The following TAFA5 variants were observed in gnomAD, a reference collection of about 807,000 sequenced individuals.
The protein encoded by TAFA5 is TAFA chemokine like family member 5.
In TAFA5, 6 loss-of-function variants were observed where a neutral mutation model predicts 15.3. The observed-to-expected ratio is 0.39, with a 90% CI of 0.21 to 0.77. The LOEUF (loss-of-function observed/expected upper bound fraction) is 0.77, where lower values mean the gene tolerates loss of function less well. Among genes scored for constraint, TAFA5 ranks in the 30% least tolerant of loss-of-function variants. TAFA5 has a pLI of 0.41. For synonymous variants in TAFA5, 103 were observed against 80.7 expected, an observed-to-expected ratio of 1.28 and a Z score of -1.48; for missense variants, 161 against 193.1, an observed-to-expected ratio of 0.83 and a Z score of 0.98.
intron 2 of TAFA5, among the ~76,000 whole-genome samples, chr22:48,693,834 C>T (rs1276452785): frequency 6.6e-6 from 1 of 152,194 alleles, no homozygotes; most frequent in East Asian, 1.9e-4. Context: ...GCCATGGCCA[C>T]CTATACCCAT....
At chr22:48,674,677 A>ACC (rs67528982) in intron 2 of TAFA5, among the ~76,000 whole-genome samples, 3 of 151,250 alleles carry the variant, frequency 2.0e-5, no homozygotes, top group East Asian at 3.9e-4. Context: ...GGAGGTCCAC[A>ACC]CCCCCCACAG....
intron 1 of TAFA5, among the ~76,000 whole-genome samples, chr22:48,505,822 C>T (rs1920988843): frequency 2.0e-5 from 3 of 152,170 alleles, no homozygotes; most frequent in Admixed American, 1.3e-4. Context: ...GGTTTTGGCT[C>T]ATTACTATGA....
intron 1 of TAFA5, among the ~76,000 whole-genome samples, chr22:48,555,809 G>C (rs1305562061): frequency 6.6e-6 from 1 of 152,170 alleles, no homozygotes. Flanking sequence ...GGATGGGGGC[G>C]CTGTGGCCGC....
At chr22:48,629,334 C>T (rs1293310812) in intron 1 of TAFA5, among the ~76,000 whole-genome samples, 1 of 152,198 alleles carries the variant, frequency 6.6e-6, no homozygotes, top group East Asian at 1.9e-4. Context: ...AACCCAGCGG[C>T]CCCTCCTCGT....
At chr22:48,734,235 C>T (rs1440359137) in intron 3 of TAFA5, among the ~76,000 whole-genome samples, 1 of 150,782 alleles carries the variant, frequency 6.6e-6, no homozygotes, top group Non-Finnish European at 1.5e-5. Flanking sequence ...AAAGACTTCC[C>T]GTGAGAAATG....
chr22:48,604,067 C>G (rs757324367), intron 1 of TAFA5, among the ~76,000 whole-genome samples: 1 of 152,230 alleles, frequency 6.6e-6, no homozygotes, highest in Non-Finnish European at 1.5e-5. Context: ...GTGTCTCATT[C>G]ACTCCAAGCG....
intron 1 of TAFA5, among the ~76,000 whole-genome samples, chr22:48,562,717 A>T (rs990295771): frequency 1.3e-5 from 2 of 152,164 alleles, no homozygotes; most frequent in African/African-American, 4.8e-5. Context: ...GGCAGATGGG[A>T]CAGCCAGGCC....
intron 1 of TAFA5, among the ~76,000 whole-genome samples, chr22:48,608,389 G>A (rs1925277300): frequency 6.6e-6 from 1 of 151,968 alleles, no homozygotes; most frequent in Non-Finnish European, 1.5e-5. Flanking sequence ...ATACGGTTTT[G>A]CCTCTGGTTT....
rs60622283 is a variant in TAFA5, at chr22:48,736,489, A to C, written c.391-13350A>C. 3.2e-4 allele frequency among the ~76,000 whole-genome samples: 5 copies of C among 15,510 alleles called. 1 individual carries two copies. Among genetic ancestry groups the C allele is most frequent in the African/African-American group, 1.4e-3 (3 of 2,096 alleles). 10.2% of individuals were successfully genotyped at this position (15,510 alleles called of 152,430 possible). A position where few individuals can be genotyped will look rare whatever the true frequency, so the allele number is the denominator to read the frequency against. ...AATGAGAACCGCACTCCTAGGGTCC[A>C]TCCCCCCAGGAGGAATGAGAACATG... On this transcript the variant is annotated intron_variant, in intron 3 of 3. Transcript: ENST00000402357.
intron 1 of TAFA5, among the ~76,000 whole-genome samples, chr22:48,572,843 T>G (rs536290196): frequency 6.6e-6 from 1 of 152,370 alleles, no homozygotes; most frequent in East Asian, 1.9e-4. Flanking sequence ...TAGACTGAGA[T>G]AGCTACAAGA....
At chr22:48,721,298 G>C (rs528009920) in intron 3 of TAFA5, among the ~76,000 whole-genome samples, 1 of 152,108 alleles carries the variant, frequency 6.6e-6, no homozygotes, top group Admixed American at 6.5e-5. Context: ...ATTTCAGCCC[G>C]CCCACTGCCT....
chr22:48,576,438 C>CGCTGCGCGACTTCGGGG, intron 1 of TAFA5: 1 of 1,349,970 alleles, frequency 7.4e-7, no homozygotes, highest in Non-Finnish European at 9.7e-7. Flanking sequence ...CCTGGACCTT[C>CGCTGCGCGACTTCGGGG]GCTGCGCGAC....
chr22:48,514,718 A>G (rs1189688337), intron 1 of TAFA5, among the ~76,000 whole-genome samples: 1 of 152,250 alleles, frequency 6.6e-6, no homozygotes, highest in Admixed American at 6.5e-5. Flanking sequence ...AATTGAGCAC[A>G]AAACATAGCT....
intron 3 of TAFA5, among the ~76,000 whole-genome samples, chr22:48,749,321 G>A (rs1278144757): frequency 6.6e-6 from 1 of 152,192 alleles, no homozygotes; most frequent in Non-Finnish European, 1.5e-5. Flanking sequence ...GGCAGCCACG[G>A]GAATGGCACA....
intron 2 of TAFA5, among the ~76,000 whole-genome samples, chr22:48,706,462 C>T (rs1929081717): frequency 6.6e-6 from 1 of 152,180 alleles, no homozygotes; most frequent in African/African-American, 2.4e-5. Flanking sequence ...GAGTGGGGTG[C>T]CTGGCTCTCA....
chr22:48,576,421 TGCG>T, intron 1 of TAFA5: 1 of 1,274,608 alleles, frequency 7.8e-7, no homozygotes. Context: ...GGGGCGCTGA[TGCG>T]GCGCCTGGAC....
At chr22:48,732,871 G>A (rs1601704932) in intron 3 of TAFA5, among the ~76,000 whole-genome samples, 2 of 152,232 alleles carry the variant, frequency 1.3e-5, no homozygotes, top group Middle Eastern at 3.4e-3. Flanking sequence ...CATCAGCATC[G>A]CGGCAAGACC....
chr22:48,519,295 C>T (rs903828498), intron 1 of TAFA5, among the ~76,000 whole-genome samples: 9 of 152,264 alleles, frequency 5.9e-5, no homozygotes, highest in African/African-American at 1.2e-4. Context: ...AAGAATCCCG[C>T]GTCTTCCCTT....
chr22:48,545,560 G>C lies in TAFA5; in HGVS notation c.112+55856G>C, dbSNP rs1164061489. 2.0e-5 allele frequency: 3 copies of C among 153,644 alleles called. No homozygotes were observed. In the East Asian group the frequency reaches 5.8e-4, roughly 30 times the overall value. 9.5% of individuals were successfully genotyped at this position (153,644 alleles called of 1,614,324 possible). ...TAGGTTGGGTGTTATGGAGCATCCTGTGTTGGTGCTGGGAGAGGTGGAGGC... is the reference window on the plus strand; with the variant it reads ...TAGGTTGGGTGTTATGGAGCATCCTCTGTTGGTGCTGGGAGAGGTGGAGGC... On this transcript the variant is annotated intron_variant, in intron 1 of 3. Transcript: ENST00000402357.
Sources: gnomAD v4.1 joint callset for allele counts (sites outside exome capture counted in the v4.1 genomes callset) on GRCh38, gnomAD v4.1.1 for gene constraint, MANE v1.5 for transcripts, NCBI Gene and HGNC (gene_info 2026-07-23, HGNC 2026-07-21) for gene names.